ENTREP2: variants seen among roughly 807,000 people sequenced by gnomAD.
ENTREP2 encodes endosomal transmembrane epsin interactor 2, also known as protein ENTREP2.
chr15:29,461,232 A>G, the ENTREP2 span, among the ~76,000 whole-genome samples: 1 of 152,154 alleles, frequency 6.6e-6, no homozygotes, highest in South Asian at 2.1e-4. Context: ...CATTTTATAA[A>G]TGCCAAGTTT....
the ENTREP2 span, among the ~76,000 whole-genome samples, chr15:29,608,907 A>G: frequency 9.2e-5 from 14 of 152,124 alleles, no homozygotes; most frequent in African/African-American, 3.4e-4. Flanking sequence ...ACTACCTCGC[A>G]CTAGAGAGGC....
the ENTREP2 span, chr15:29,234,742 G>A: frequency 6.7e-7 from 1 of 1,503,152 alleles, no homozygotes; most frequent in Non-Finnish European, 9.3e-7. Context: ...GGCATTGTCT[G>A]TTGGTTTCTG....
chr15:29,341,951 C>T, the ENTREP2 span, among the ~76,000 whole-genome samples: 1 of 152,184 alleles, frequency 6.6e-6, no homozygotes, highest in African/African-American at 2.4e-5. Flanking sequence ...TGAAAGCTTT[C>T]AGACGACTTT....
the ENTREP2 span, among the ~76,000 whole-genome samples, chr15:29,361,710 G>A: frequency 1.3e-5 from 2 of 152,098 alleles, no homozygotes; most frequent in African/African-American, 4.8e-5. Context: ...CTGTGCTCAC[G>A]GTGTGCTGAT....
chr15:29,234,509 C>G, the ENTREP2 span: 1 of 1,415,812 alleles, frequency 7.1e-7, no homozygotes. Flanking sequence ...ATAAGAACAA[C>G]CAACGGCAAG....
At chr15:29,267,442 T>C in the ENTREP2 span, 1 of 152,210 alleles carries the variant, frequency 6.6e-6, no homozygotes, top group Non-Finnish European at 1.5e-5. Flanking sequence ...ATTTTACAGA[T>C]AAATTGAGAT....
chr15:29,288,563 G>A, the ENTREP2 span, among the ~76,000 whole-genome samples: 1 of 152,176 alleles, frequency 6.6e-6, no homozygotes, highest in Non-Finnish European at 1.5e-5. Context: ...TATTTCTACT[G>A]TACCTTTTCT....
the ENTREP2 span, among the ~76,000 whole-genome samples, chr15:29,669,930 A>G: frequency 1.3e-5 from 2 of 152,196 alleles, no homozygotes; most frequent in Admixed American, 1.3e-4. Flanking sequence ...CTGCCCTGTC[A>G]AAATCATGTT....
the ENTREP2 span, among the ~76,000 whole-genome samples, chr15:29,649,807 C>T: frequency 6.6e-6 from 1 of 151,744 alleles, no homozygotes; most frequent in Non-Finnish European, 1.5e-5. Flanking sequence ...TCAGGTTGTT[C>T]TGTCAATTTC....
the ENTREP2 span, among the ~76,000 whole-genome samples, chr15:29,133,459 C>T: frequency 1.3e-5 from 2 of 152,198 alleles, no homozygotes; most frequent in Non-Finnish European, 2.9e-5. Context: ...CACACCTGCG[C>T]TCCCCTGCGC....
At chr15:29,646,534 C>T in the ENTREP2 span, among the ~76,000 whole-genome samples, 1 of 152,148 alleles carries the variant, frequency 6.6e-6, no homozygotes, top group Admixed American at 6.6e-5. Flanking sequence ...GCTCTTTCTC[C>T]TTCTGCCTTC....
the ENTREP2 span, among the ~76,000 whole-genome samples, chr15:29,391,583 T>A: frequency 6.6e-6 from 1 of 152,146 alleles, no homozygotes; most frequent in Admixed American, 6.5e-5. Flanking sequence ...CAATGCATGC[T>A]TCTTTGATGC....
At chr15:29,209,373 G>A in the ENTREP2 span, among the ~76,000 whole-genome samples, 2 of 152,000 alleles carry the variant, frequency 1.3e-5, no homozygotes, top group African/African-American at 2.4e-5. Flanking sequence ...GTGGTGGTGG[G>A]CACCTGTAAT....
At chr15:29,187,248 C>A in the ENTREP2 span, among the ~76,000 whole-genome samples, 1 of 152,032 alleles carries the variant, frequency 6.6e-6, no homozygotes, top group African/African-American at 2.4e-5. Flanking sequence ...ATTACACTGT[C>A]ACTGTCTGTT....
the ENTREP2 span, among the ~76,000 whole-genome samples, chr15:29,140,228 G>A: frequency 6.6e-6 from 1 of 152,128 alleles, no homozygotes; most frequent in Non-Finnish European, 1.5e-5. Context: ...TGACCATCTG[G>A]GGCACATCTA....
the ENTREP2 span, among the ~76,000 whole-genome samples, chr15:29,516,761 G>GTA: frequency 6.6e-6 from 1 of 152,008 alleles, no homozygotes; most frequent in African/African-American, 2.4e-5. Context: ...TTTTCTGGGC[G>GTA]TATAACATTT....
the ENTREP2 span, among the ~76,000 whole-genome samples, chr15:29,657,483 C>CGGGGCGGGGGGGGGGGG: frequency 1.4e-5 from 1 of 69,382 alleles, no homozygotes; most frequent in African/African-American, 6.0e-5. Context: ...GCTGGGGGGG[C>CGGGGCGGGGGGGGGGGG]GGGGGGGGGG....
chr15:29,497,351 T>G, the ENTREP2 span, among the ~76,000 whole-genome samples: 2 of 152,234 alleles, frequency 1.3e-5, no homozygotes, highest in Admixed American at 6.5e-5. Context: ...TATTAATTCT[T>G]CTTTAAATGC....
At chr15:29,119,974 T>G in the ENTREP2 span, among the ~76,000 whole-genome samples, 2 of 152,254 alleles carry the variant, frequency 1.3e-5, no homozygotes, top group African/African-American at 4.8e-5. Context: ...ATCTGAGCCA[T>G]GGCCTGCATT....
Sources: allele counts gnomAD v4.1 joint callset (sites outside exome capture counted in the v4.1 genomes callset), GRCh38; gene constraint gnomAD v4.1.1; transcripts MANE v1.5; gene names NCBI Gene and HGNC (gene_info 2026-07-23, HGNC 2026-07-21).